ITPR2: variants seen among roughly 807,000 people sequenced by gnomAD.
The protein encoded by ITPR2 is inositol 1,4,5-trisphosphate-gated calcium channel ITPR2.
A neutral mutation model predicts 317.1 loss-of-function variants in ITPR2; 207 were observed. The observed-to-expected ratio is 0.65, with a 90% confidence interval of 0.58 to 0.73. The LOEUF (loss-of-function observed/expected upper bound fraction) is 0.73, where lower values mean the gene tolerates loss of function less well. Ranked by LOEUF, ITPR2 falls within the 30% of genes least tolerant of loss-of-function variation. ITPR2 has a pLI of 0.00. For missense variants in ITPR2, 2,613 were observed against 3,284.0 expected, an observed-to-expected ratio of 0.80 and a Z score of 4.99; for synonymous variants, 1,156 against 1,149.1, an observed-to-expected ratio of 1.01 and a Z score of -0.12.
intron 37 of ITPR2, among the ~76,000 whole-genome samples, chr12:26,536,378 T>TAA (rs1252970537): frequency 6.6e-6 from 1 of 152,064 alleles, no homozygotes; most frequent in Non-Finnish European, 1.5e-5. Flanking sequence ...TAGGACAGTT[T>TAA]GTTAGTCCCC....
rs533662149 is a variant in ITPR2, at chr12:26,485,051, C to T, written c.5811+1053G>A. Among the ~76,000 whole-genome samples the T allele has an allele frequency of 2.0e-5, 3 of 152,016 alleles. No individual in the cohort carries two copies. In the East Asian group the frequency reaches 5.8e-4, roughly 29 times the overall value. On this transcript the variant is annotated intron_variant, in intron 41 of 56. Coordinates refer to ENST00000381340, the MANE Select transcript of ITPR2 (RefSeq NM_002223.4). ...GAATATGATTTTTAAAAAATGTTTACCTGCACAGTTCGATATGCTTATGCA... is the reference window on the plus strand; with the variant it reads ...GAATATGATTTTTAAAAAATGTTTATCTGCACAGTTCGATATGCTTATGCA...
chr12:26,407,221 T>C (rs2136663165), intron 52 of ITPR2, among the ~76,000 whole-genome samples: 1 of 152,316 alleles, frequency 6.6e-6, no homozygotes, highest in African/African-American at 2.4e-5. Context: ...GTGTAATATA[T>C]TAGGTGAAGT....
Position 26,715,849 on chromosome 12 carries a change from A to C in ITPR2, c.625-14T>G, listed in dbSNP as rs759698589. The C allele has an allele frequency of 6.4e-7, 1 of 1,558,670 alleles. No individual in the cohort carries two copies. The highest frequency in any genetic ancestry group is 8.8e-7 in the Non-Finnish European group (1 of 1,131,000). On this transcript the variant is annotated splice_polypyrimidine_tract_variant and intron_variant, in intron 6 of 56. Coordinates refer to ENST00000381340, the MANE Select transcript of ITPR2 (RefSeq NM_002223.4). ...GACAGCATTCACCTATTAATGAAGA[A>C]ACGTTCAAAGTTATAAGACTACAGA...
chr12:26,645,390 G>T (rs915170379), intron 21 of ITPR2, among the ~76,000 whole-genome samples: 2 of 152,216 alleles, frequency 1.3e-5, no homozygotes, highest in Non-Finnish European at 2.9e-5. Context: ...AGAGTCTAAA[G>T]CTTCCCTTGA....
At chr12:26,801,497 A>T (rs989949452) in intron 1 of ITPR2, among the ~76,000 whole-genome samples, 4 of 151,986 alleles carry the variant, frequency 2.6e-5, no homozygotes, top group African/African-American at 9.7e-5. Flanking sequence ...TGACCATACC[A>T]CCTACTGCTA....
chr12:26,715,304 T>C lies in ITPR2; in HGVS notation c.850A>G (p.Ile284Val). The change falls in exon 8 of 57, where the codon ATA becomes GTA. Residue 284 changes from isoleucine (I) to valine (V), a missense_variant. Around this residue, in one of 9 missense-constraint regions of ITPR2, gnomAD observed 515 missense variants for 789.4 expected, o/e 0.65. Transcript: ENST00000381340. The part of the protein sequence containing the change: ...SATSSKALWE[I>V]EVVHHDPCRG... Reference sequence around the variant, plus strand: ...GCCAAAAAACATTTACATACCTCTATTTCCCAGAGTGCTTTAGAACTAGTA... The same window carrying C: ...GCCAAAAAACATTTACATACCTCTACTTCCCAGAGTGCTTTAGAACTAGTA... 1.2e-6 allele frequency: 2 copies of C among 1,611,160 alleles called. No homozygotes were observed. The highest frequency in any genetic ancestry group is 1.7e-6 in the Non-Finnish European group (2 of 1,178,696).
chr12:26,681,771 G>C (rs1005236467), intron 13 of ITPR2, 103 bp downstream of exon 13: 1 of 780,396 alleles, frequency 1.3e-6, no homozygotes, highest in Non-Finnish European at 2.0e-6. Flanking sequence ...GTGTGCTATC[G>C]AGAATGTTCT....
intron 55 of ITPR2, among the ~76,000 whole-genome samples, chr12:26,343,299 A>T (rs2136544772): frequency 6.6e-6 from 1 of 152,372 alleles, no homozygotes; most frequent in African/African-American, 2.4e-5. Flanking sequence ...AGAAAATAGA[A>T]TAACAAAATT....
intron 1 of ITPR2, among the ~76,000 whole-genome samples, chr12:26,817,180 C>CAAAAAAAAAAAAAA (rs11422176): frequency 1.7e-5 from 1 of 57,672 alleles, no homozygotes; most frequent in African/African-American, 7.1e-5. Context: ...GAGTCTCTTT[C>CAAAAAAAAAAAAAA]AAAAAAAAAA....
chr12:26,662,265 G>A (rs1459721403), intron 15 of ITPR2, among the ~76,000 whole-genome samples: 2 of 152,146 alleles, frequency 1.3e-5, no homozygotes, highest in African/African-American at 4.8e-5. Context: ...GCCTGGGTTT[G>A]CATACTGGTT....
intron 1 of ITPR2, among the ~76,000 whole-genome samples, chr12:26,814,056 T>C (rs1347326326): frequency 6.6e-6 from 1 of 152,188 alleles, no homozygotes; most frequent in Non-Finnish European, 1.5e-5. Context: ...TGGACCATCA[T>C]CGAGCCAGCC....
chr12:26,677,155 G>T (rs532280343), intron 13 of ITPR2, among the ~76,000 whole-genome samples: 6 of 152,122 alleles, frequency 3.9e-5, no homozygotes, highest in African/African-American at 1.4e-4. Flanking sequence ...CAGTAAATTG[G>T]GTGGGAGGGG....
intron 1 of ITPR2, among the ~76,000 whole-genome samples, chr12:26,811,624 C>G (rs1432134312): frequency 1.3e-5 from 2 of 149,236 alleles, no homozygotes; most frequent in Non-Finnish European, 3.0e-5. Flanking sequence ...GGGGCAGAGC[C>G]TGCAGTGAGC....
chr12:26,677,874 C>T (rs980378918), intron 13 of ITPR2, among the ~76,000 whole-genome samples: 4 of 152,128 alleles, frequency 2.6e-5, no homozygotes, highest in Non-Finnish European at 4.4e-5. Flanking sequence ...AGAGAAGCAA[C>T]ATCAGAATGA....
intron 55 of ITPR2, among the ~76,000 whole-genome samples, chr12:26,367,092 G>A (rs1193532301): frequency 1.3e-5 from 2 of 152,098 alleles, no homozygotes; most frequent in Non-Finnish European, 2.9e-5. Flanking sequence ...TCCATTATAT[G>A]TAGATTGGAT....
chr12:26,354,940 A>G (rs1321225345), intron 55 of ITPR2, among the ~76,000 whole-genome samples: 1 of 152,210 alleles, frequency 6.6e-6, no homozygotes, highest in Non-Finnish European at 1.5e-5. Context: ...CTGGGATTAC[A>G]GGTGTGAGCC....
intron 2 of ITPR2, among the ~76,000 whole-genome samples, chr12:26,754,073 T>C (rs1348979989): frequency 1.3e-5 from 2 of 152,186 alleles, no homozygotes; most frequent in African/African-American, 2.4e-5. Flanking sequence ...TAATAAGAGG[T>C]TAAATCAAAT....
At chr12:26,823,023 C>T (rs1037752298) in intron 1 of ITPR2, among the ~76,000 whole-genome samples, 2 of 152,072 alleles carry the variant, frequency 1.3e-5, no homozygotes, top group Non-Finnish European at 2.9e-5. Context: ...AGATTTGAGA[C>T]AAATATTCTA....
intron 52 of ITPR2, among the ~76,000 whole-genome samples, chr12:26,401,652 G>C (rs1000974326): frequency 7.9e-5 from 12 of 152,128 alleles, no homozygotes; most frequent in Admixed American, 2.6e-4. Flanking sequence ...TAAATTTTGG[G>C]ATTATGCAGC....
Sources: allele counts gnomAD v4.1 joint callset (sites outside exome capture counted in the v4.1 genomes callset), GRCh38; gene constraint gnomAD v4.1.1; regional missense constraint gnomAD v4.1.1; transcripts MANE v1.5; gene names NCBI Gene and HGNC (gene_info 2026-07-23, HGNC 2026-07-21).